The following MAP3K20 variants were observed in gnomAD, a reference collection of about 807,000 sequenced individuals.
MAP3K20 encodes mitogen-activated protein kinase kinase kinase 20, also known as HCCS-4.
MAP3K20 carries 40 observed loss-of-function variants against 85.7 expected under a neutral mutation model. The ratio of observed to expected loss-of-function variants is 0.47; its 90% confidence interval spans 0.36 to 0.61. The LOEUF (loss-of-function observed/expected upper bound fraction) is 0.61. MAP3K20 is among the 20% of genes least tolerant of loss of function. MAP3K20 has a pLI of 0.00. For synonymous variants in MAP3K20, 325 were observed against 327.7 expected, an observed-to-expected ratio of 0.99 and a Z score of 0.09; for missense variants, 817 against 961.7, an observed-to-expected ratio of 0.85 and a Z score of 1.99.
At chr2:173,104,984 G>C (rs957651816) in intron 2 of MAP3K20, among the ~76,000 whole-genome samples, 1 of 152,178 alleles carries the variant, frequency 6.6e-6, no homozygotes, top group East Asian at 1.9e-4. Context: ...GTGTGTGAGG[G>C]AGGAGAAACA....
At chr2:173,244,921 A>C (rs190722407) in intron 16 of MAP3K20, among the ~76,000 whole-genome samples, 1 of 152,310 alleles carries the variant, frequency 6.6e-6, no homozygotes, top group East Asian at 1.9e-4. Flanking sequence ...GACCGGAATA[A>C]GCTTTCCAAG....
intron 2 of MAP3K20, among the ~76,000 whole-genome samples, chr2:173,163,166 TG>T (rs1255769934): frequency 6.6e-6 from 1 of 152,242 alleles, no homozygotes; most frequent in Non-Finnish European, 1.5e-5. Flanking sequence ...TGTGCAGGTT[TG>T]TAACATGGGT....
intron 16 of MAP3K20, among the ~76,000 whole-genome samples, chr2:173,256,526 T>TAGACAGACAGACAGAC (rs1210473187): frequency 9.9e-6 from 1 of 101,436 alleles, no homozygotes; most frequent in East Asian, 2.3e-4. Context: ...GATAGATAGA[T>TAGACAGACAGACAGAC]AGATAGACAG....
At chr2:173,095,070 C>G (rs1559228525) in intron 2 of MAP3K20, among the ~76,000 whole-genome samples, 1 of 152,086 alleles carries the variant, frequency 6.6e-6, no homozygotes, top group Non-Finnish European at 1.5e-5. Flanking sequence ...TTTAGTCAAC[C>G]ATTCATTCAT....
intron 2 of MAP3K20, among the ~76,000 whole-genome samples, chr2:173,128,553 A>G (rs921082518): frequency 1.3e-5 from 2 of 152,002 alleles, no homozygotes; most frequent in African/African-American, 4.8e-5. Flanking sequence ...GCTGGTCTCA[A>G]ACTTCTGACC....
In MAP3K20 at chr2:173,238,403, A is replaced by G. The variant is rs759941594; in HGVS notation, c.1234A>G (p.Ile412Val). Reference protein sequence around the residue: ...SAIEKLTHDYINLFHFPPLIK... With the variant: ...SAIEKLTHDYVNLFHFPPLIK... ...CATTGAGAAATTAACCCATGATTACATAAATTTGTTTCACTTCCCACCACT... is the reference window on the plus strand; with the variant it reads ...CATTGAGAAATTAACCCATGATTACGTAAATTTGTTTCACTTCCCACCACT... The change falls in exon 15 of 20, where the codon ATA becomes GTA. Residue 412 changes from isoleucine to valine, a missense_variant. By Grantham distance (29) the Ile-to-Val change is conservative. Coordinates refer to ENST00000375213, the MANE Select transcript of MAP3K20 (RefSeq NM_016653.3). 1.2e-5 allele frequency: 19 copies of G among 1,613,074 alleles called. No homozygotes were observed. Among genetic ancestry groups the G allele is most frequent in the South Asian group, 8.8e-5 (8 of 90,854 alleles).
chr2:173,079,833 A>T (rs112524717), intron 1 of MAP3K20, among the ~76,000 whole-genome samples: 2,365 of 151,802 alleles, frequency 0.016, 59 homozygotes, highest in African/African-American at 0.054. Flanking sequence ...CCCCATCTCC[A>T]GTGATAACAA....
chr2:173,264,572 G>A (rs1054810318), intron 19 of MAP3K20, among the ~76,000 whole-genome samples: 6 of 152,180 alleles, frequency 3.9e-5, no homozygotes, highest in East Asian at 1.9e-4. Flanking sequence ...CAACCTGTCC[G>A]TTCCTAAACA....
In MAP3K20 at chr2:173,135,613, CTG is replaced by C. The variant is rs1211182495; in HGVS notation, c.160-34188_160-34187del. Among the ~76,000 whole-genome samples the C allele has an allele frequency of 4.6e-5, 7 of 152,220 alleles. No homozygotes were observed. The East Asian group carries it at 1.3e-3, about 29-fold the overall frequency. On this transcript the variant is annotated intron_variant, in intron 2 of 19. Transcript: ENST00000375213. ...ATGAAGGAGATCATACCCTATTCTT[CTG>C]TGTTTAAAGTTTTAGATCTTTTCCT...
chr2:173,125,424 G>C (rs769915048), intron 2 of MAP3K20, among the ~76,000 whole-genome samples: 3 of 152,068 alleles, frequency 2.0e-5, no homozygotes, highest in Non-Finnish European at 4.4e-5. Flanking sequence ...ATTATCCTTA[G>C]AGCAACCTTA....
intron 3 of MAP3K20, among the ~76,000 whole-genome samples, chr2:173,173,568 A>G (rs1690069830): frequency 1.3e-5 from 2 of 152,180 alleles, no homozygotes; most frequent in African/African-American, 4.8e-5. Flanking sequence ...TAAGTGCCCA[A>G]TCTCATTTCC....
chr2:173,192,684 G>A (rs903680803), intron 7 of MAP3K20, among the ~76,000 whole-genome samples: 8 of 152,136 alleles, frequency 5.3e-5, no homozygotes, highest in African/African-American at 1.7e-4. Context: ...ACATTCATCT[G>A]TGGGATATTC....
chr2:173,239,116 G>C (rs548980104), intron 15 of MAP3K20, among the ~76,000 whole-genome samples: 2 of 152,280 alleles, frequency 1.3e-5, no homozygotes, highest in African/African-American at 4.8e-5. Flanking sequence ...TAGGTGCTAA[G>C]TGCATTTCTA....
chr2:173,187,432 CA>C lies in MAP3K20; in HGVS notation c.350-125del, dbSNP rs1690520412. 3 of 695,172 alleles carry C rather than the reference CA, an allele frequency of 4.3e-6. No homozygotes were observed. In the Admixed American group the frequency reaches 9.6e-5, roughly 22 times the overall value. 43.1% of individuals were successfully genotyped at this position (695,172 alleles called of 1,614,324 possible). A position where few individuals can be genotyped will look rare whatever the true frequency, so the allele number is the denominator to read the frequency against. On this transcript the variant is annotated intron_variant, in intron 4 of 19. Transcript: ENST00000375213. Reference sequence around the variant, plus strand: ...TAGACATATTCTGTTTTCATTTTATCAGTCATGGAAGAATAAGACATGTGAA... The same window carrying C: ...TAGACATATTCTGTTTTCATTTTATCGTCATGGAAGAATAAGACATGTGAA...
intron 8 of MAP3K20, among the ~76,000 whole-genome samples, chr2:173,202,236 A>G (rs1429696661): frequency 6.6e-6 from 1 of 152,208 alleles, no homozygotes; most frequent in Non-Finnish European, 1.5e-5. Context: ...TGAAATCACA[A>G]GACTAGAAGT....
At chr2:173,081,233 T>A (rs573682173) in intron 1 of MAP3K20, among the ~76,000 whole-genome samples, 26 of 151,320 alleles carry the variant, frequency 1.7e-4, no homozygotes, top group African/African-American at 6.1e-4. Context: ...TGCTATGTTG[T>A]CCAGGCTGGC....
intron 1 of MAP3K20, among the ~76,000 whole-genome samples, chr2:173,088,161 AAAGCT>A (rs1687193182): frequency 6.6e-6 from 1 of 152,242 alleles, no homozygotes; most frequent in Admixed American, 6.5e-5. Context: ...AGGAGTGTAA[AAAGCT>A]AAGCAAACAA....
intron 18 of MAP3K20, among the ~76,000 whole-genome samples, chr2:173,263,150 T>C (rs1685334201): frequency 6.6e-6 from 1 of 152,226 alleles, no homozygotes; most frequent in South Asian, 2.1e-4. Flanking sequence ...GAAAGTAATG[T>C]GTCTTGACCT....
At chr2:173,100,768 A>G (rs1687615565) in intron 2 of MAP3K20, among the ~76,000 whole-genome samples, 1 of 152,166 alleles carries the variant, frequency 6.6e-6, no homozygotes, top group Admixed American at 6.5e-5. Flanking sequence ...TAAACGTGTC[A>G]CTGTGCAGTG....
Sources: allele counts gnomAD v4.1 joint callset (sites outside exome capture counted in the v4.1 genomes callset), GRCh38; gene constraint gnomAD v4.1.1; transcripts MANE v1.5; gene names NCBI Gene and HGNC (gene_info 2026-07-23, HGNC 2026-07-21).